Variants in CFAP161 observed in about 807,000 individuals in gnomAD.
The protein encoded by CFAP161 is cilia and flagella associated protein 161.
Under a neutral mutation model 29.0 loss-of-function variants are expected in CFAP161, and 25 were observed. The ratio of observed to expected loss-of-function variants is 0.86; its 90% CI spans 0.63 to 1.20. The LOEUF (loss-of-function observed/expected upper bound fraction) is 1.20, where lower values mean the gene tolerates loss of function less well. Ranked by LOEUF, CFAP161 falls within the 50% of genes most tolerant of loss-of-function variation. The pLI is 0.00. For synonymous variants in CFAP161, 116 were observed against 137.4 expected (o/e 0.84, Z 1.09); for missense variants, 367 against 371.9 (o/e 0.99, Z 0.11).
Position 81,134,274 on chromosome 15 carries a change from C to A in CFAP161, c.-56C>A. On this transcript the variant is annotated 5_prime_UTR_variant, in exon 1 of 7. Coordinates refer to ENST00000286732, the MANE Select transcript of CFAP161 (RefSeq NM_173528.4). The stretch of plus-strand genomic sequence containing the variant: ...CTGGGGCCGGGTCGTCATGGCGACG[C>A]GCCACGCTAACGCATGGTGTCGGAG... 1.3e-6 allele frequency: 2 copies of A among 1,549,674 alleles called. No homozygotes were observed. The highest frequency in any genetic ancestry group is 8.7e-7 in the Non-Finnish European group (1 of 1,144,320).
intron 1 of CFAP161, among the ~76,000 whole-genome samples, chr15:81,124,880 C>T (rs1894620928): frequency 6.6e-6 from 1 of 151,852 alleles, no homozygotes; most frequent in South Asian, 2.1e-4. Flanking sequence ...TCTGATTGTG[C>T]ATAACATAAT....
At chr15:81,105,165 C>CG (rs1567149904) in intron 1 of CFAP161, among the ~76,000 whole-genome samples, 2 of 53,920 alleles carry the variant, frequency 3.7e-5, no homozygotes, top group South Asian at 7.6e-4. Context: ...CCCTCCCTTC[C>CG]TTCCTCCCTC....
chr15:81,112,744 G>A (rs1361280252), intron 1 of CFAP161, among the ~76,000 whole-genome samples: 1 of 152,126 alleles, frequency 6.6e-6, no homozygotes, highest in East Asian at 1.9e-4. Flanking sequence ...TGCTGAGAGT[G>A]TGTCATAATC....
intron 4 of CFAP161, among the ~76,000 whole-genome samples, chr15:81,138,370 A>G (rs941719083): frequency 6.6e-6 from 1 of 152,252 alleles, no homozygotes; most frequent in African/African-American, 2.4e-5. Context: ...TAAGGGAGGA[A>G]AACCATTTCA....
chr15:81,148,012 T>A (rs1197412830), intron 6 of CFAP161, 81 bp downstream of exon 6: 1 of 1,135,738 alleles, frequency 8.8e-7, no homozygotes, highest in East Asian at 2.4e-5. Context: ...CAATTGATAG[T>A]GTATGGCTGC....
chr15:81,105,140 C>CTTCCTTCCTTTTTTT (rs1894350139), intron 1 of CFAP161, among the ~76,000 whole-genome samples: 1 of 11,352 alleles, frequency 8.8e-5, no homozygotes, highest in African/African-American at 3.4e-4. Flanking sequence ...TCCCCCCTCC[C>CTTCCTTCCTTTTTTT]CTCCCTCCCT....
rs1300242022 is a variant in CFAP161, at chr15:81,148,705, C to G, written c.*172C>G. On this transcript the variant is annotated 3_prime_UTR_variant, in exon 7 of 7. Coordinates refer to ENST00000286732, the MANE Select transcript of CFAP161 (RefSeq NM_173528.4). ...AGATTATTGAATTTGTGGTGGGAGT[C>G]TAGGGCTGAAGAAAAACAGCTCTGG... 2 of 563,254 alleles carry G rather than the reference C, an allele frequency of 3.6e-6. No individual in the cohort carries two copies. Among genetic ancestry groups the G allele is most frequent in the African/African-American group, 3.7e-5 (2 of 53,484 alleles). The allele number at this position is 563,254 out of a possible 1,614,324, so 34.9% of individuals were successfully genotyped here. A position where few individuals can be genotyped will look rare whatever the true frequency, so the allele number is the denominator to read the frequency against.
intron 1 of CFAP161, among the ~76,000 whole-genome samples, chr15:81,114,617 A>G (rs892378354): frequency 2.6e-5 from 4 of 152,234 alleles, no homozygotes; most frequent in Admixed American, 2.0e-4. Context: ...TGCATGTCAT[A>G]GTAAACTAAG....
intron 1 of CFAP161, among the ~76,000 whole-genome samples, chr15:81,103,103 C>G (rs980450708): frequency 6.6e-6 from 1 of 152,134 alleles, no homozygotes; most frequent in Non-Finnish European, 1.5e-5. Flanking sequence ...TGATGGGCAA[C>G]TTTTATTGAG....
chr15:81,118,171 C>A, intron 1 of CFAP161: 2 of 480,672 alleles, frequency 4.2e-6, no homozygotes. Context: ...TCCAAAGATT[C>A]TATTTTCACT....
At chr15:81,124,974 A>G (rs1415152478) in intron 1 of CFAP161, among the ~76,000 whole-genome samples, 1 of 152,020 alleles carries the variant, frequency 6.6e-6, no homozygotes, top group Admixed American at 6.6e-5. Flanking sequence ...GTGTTTGGCA[A>G]TTTGTTTCAG....
intron 2 of CFAP161, among the ~76,000 whole-genome samples, chr15:81,128,041 G>C (rs1230543092): frequency 6.6e-6 from 1 of 152,224 alleles, no homozygotes; most frequent in Non-Finnish European, 1.5e-5. Flanking sequence ...GGTTGGATAG[G>C]CAAGTGTTGG....
chr15:81,118,242 A>G (rs1894524493), intron 1 of CFAP161: 2 of 504,250 alleles, frequency 4.0e-6, no homozygotes, highest in Non-Finnish European at 7.4e-6. Context: ...TCAAACCTAC[A>G]TTTATTAAAC....
intron 4 of CFAP161, 79 bp downstream of exon 4, chr15:81,138,214 T>C (rs953644311): frequency 1.7e-6 from 2 of 1,176,444 alleles, no homozygotes; most frequent in African/African-American, 1.5e-5. Flanking sequence ...TCTACTGAAG[T>C]GGACAGAGAA....
At chr15:81,137,314 G>A (rs973209660) in intron 3 of CFAP161, among the ~76,000 whole-genome samples, 5 of 152,182 alleles carry the variant, frequency 3.3e-5, no homozygotes, top group African/African-American at 1.2e-4. Flanking sequence ...ATGGACCCAG[G>A]CAAGGTACAG....
At chr15:81,112,144 G>T (rs1894445961) in intron 1 of CFAP161, among the ~76,000 whole-genome samples, 1 of 151,502 alleles carries the variant, frequency 6.6e-6, no homozygotes, top group Non-Finnish European at 1.5e-5. Flanking sequence ...AGATGCTGAG[G>T]CTCAGAGACA....
chr15:81,124,625 G>A (rs112732842), intron 1 of CFAP161, among the ~76,000 whole-genome samples: 352 of 152,260 alleles, frequency 2.3e-3, no homozygotes, highest in African/African-American at 8.2e-3. Flanking sequence ...GAATTCAGAT[G>A]TGAATCCATC....
chr15:81,134,878 TCC>T (rs1292087088), intron 1 of CFAP161, among the ~76,000 whole-genome samples: 1 of 152,114 alleles, frequency 6.6e-6, no homozygotes, highest in African/African-American at 2.4e-5. Flanking sequence ...CCTCGTATTC[TCC>T]CAAGGGTGGT....
intron 1 of CFAP161, among the ~76,000 whole-genome samples, chr15:81,105,175 C>T (rs867021494): frequency 1.0e-3 from 64 of 62,198 alleles, no homozygotes; most frequent in African/African-American, 4.3e-3. Context: ...CTTCCTCCCT[C>T]CCTTCCTTTT....
Sources: gnomAD v4.1 joint callset for allele counts (sites outside exome capture counted in the v4.1 genomes callset) on GRCh38, gnomAD v4.1.1 for gene constraint, MANE v1.5 for transcripts, NCBI Gene and HGNC (gene_info 2026-07-23, HGNC 2026-07-21) for gene names.